Variants in NPHP4 observed in about 807,000 individuals in gnomAD.
NPHP4 encodes nephrocystin 4.
NPHP4 carries 151 observed loss-of-function variants against 155.8 expected under a neutral mutation model. The ratio of observed to expected loss-of-function variants is 0.97; its 90% CI spans 0.85 to 1.11. NPHP4 has a LOEUF of 1.11. Among genes scored for constraint, NPHP4 ranks in the 50% least tolerant of loss-of-function variants. The pLI, the probability that NPHP4 is intolerant of heterozygous loss-of-function variation, is 0.00. For synonymous variants in NPHP4, 845 were observed against 816.8 expected, an observed-to-expected ratio of 1.03 and a Z score of -0.59; for missense variants, 1,956 against 1,925.7, an observed-to-expected ratio of 1.02 and a Z score of -0.29.
chr1:5,977,794 T>A (rs539621416), intron 3 of NPHP4, among the ~76,000 whole-genome samples: 1 of 117,064 alleles, frequency 8.5e-6, no homozygotes, highest in South Asian at 2.9e-4. Flanking sequence ...TGATACCTGC[T>A]ACCTGGGCAA....
In NPHP4 at chr1:5,871,835, C is replaced by A. The variant is rs140663533; in HGVS notation, c.3315+1417G>T. 1.9e-3 allele frequency among the ~76,000 whole-genome samples: 289 copies of A among 152,242 alleles called. 2 individuals carry two copies. The highest frequency in any genetic ancestry group is 6.4e-3 in the African/African-American group (265 of 41,530). Reference sequence around the variant, plus strand: ...TGGTTACAGCCCCAGCAGACGATGCCGAGGTCTGCGTTGACTGGGGGCAGC... The same window carrying A: ...TGGTTACAGCCCCAGCAGACGATGCAGAGGTCTGCGTTGACTGGGGGCAGC... On this transcript the variant is annotated intron_variant, in intron 23 of 29. Coordinates refer to ENST00000378156, the MANE Select transcript of NPHP4 (RefSeq NM_015102.5).
At chr1:5,921,624 T>C (rs1319250326) in intron 11 of NPHP4, among the ~76,000 whole-genome samples, 1 of 152,252 alleles carries the variant, frequency 6.6e-6, no homozygotes, top group East Asian at 1.9e-4. Flanking sequence ...TGGTTTCTTC[T>C]CTATAAATTC....
At chr1:5,983,458 G>A (rs1305747730) in intron 2 of NPHP4, among the ~76,000 whole-genome samples, 6 of 152,186 alleles carry the variant, frequency 3.9e-5, no homozygotes, top group Admixed American at 1.3e-4. Context: ...TTTTGGACAT[G>A]CTACACAACA....
chr1:5,907,179 T>G lies in NPHP4; in HGVS notation c.1547A>C (p.Gln516Pro). ...QLAASPRSPT[Q>P]HCLARPTSQL... Reference sequence around the variant, plus strand: ...TGAAGTAGGCCTGGCCAAGCAGTGCTGAGTCGGGGACCGCGGGGAGGCCGC... The same window carrying G: ...TGAAGTAGGCCTGGCCAAGCAGTGCGGAGTCGGGGACCGCGGGGAGGCCGC... The change falls in exon 13 of 30, where the codon CAG becomes CCG. Residue 516 changes from glutamine to proline, a missense_variant. Gln to Pro is a moderately conservative substitution (Grantham distance 76). Coordinates refer to ENST00000378156, the MANE Select transcript of NPHP4 (RefSeq NM_015102.5). 1 of 1,592,026 alleles carries G rather than the reference T, an allele frequency of 6.3e-7. No homozygotes were observed. Among genetic ancestry groups the G allele is most frequent in the Non-Finnish European group, 8.6e-7 (1 of 1,168,978 alleles).
intron 4 of NPHP4, among the ~76,000 whole-genome samples, chr1:5,967,762 G>A (rs988100575): frequency 1.3e-5 from 2 of 151,742 alleles, no homozygotes; most frequent in South Asian, 2.1e-4. Context: ...ATTTTTTTTC[G>A]TTTGTCACAA....
chr1:5,972,373 G>A (rs1161395804), intron 3 of NPHP4, among the ~76,000 whole-genome samples: 1 of 151,996 alleles, frequency 6.6e-6, no homozygotes. Context: ...GATTTCCACA[G>A]CAAAGCATCA....
intron 6 of NPHP4, among the ~76,000 whole-genome samples, chr1:5,960,637 C>G (rs546881905): frequency 2.8e-4 from 42 of 152,206 alleles, no homozygotes; most frequent in African/African-American, 1.0e-3. Flanking sequence ...CATCACATGA[C>G]AGGTAGAAGG....
In NPHP4 at chr1:5,875,062, T is replaced by TA; in HGVS notation, c.2855dup (p.Gln953ThrfsTer40). ...GTTCCCGGTAGGCGGCGATGACCTG[T>TA]AGGTCCCGCAAGTGCTGTGTGCGGA... is the stretch of plus-strand genomic sequence containing the variant. On this transcript the variant is annotated frameshift_variant, in exon 21 of 30. Coordinates refer to ENST00000378156, the MANE Select transcript of NPHP4 (RefSeq NM_015102.5). LOFTEE classifies it high-confidence loss of function. The TA allele has an allele frequency of 6.2e-7, 1 of 1,607,500 alleles. No homozygotes were observed. The highest frequency in any genetic ancestry group is 8.5e-7 in the Non-Finnish European group (1 of 1,179,746).
chr1:5,916,802 G>A (rs1357291830), intron 11 of NPHP4, among the ~76,000 whole-genome samples: 1 of 152,222 alleles, frequency 6.6e-6, no homozygotes, highest in African/African-American at 2.4e-5. Flanking sequence ...GAGGTCAGGA[G>A]TTCAAGAGCA....
At chr1:5,985,447 C>T (rs1334449687) in intron 2 of NPHP4, among the ~76,000 whole-genome samples, 1 of 152,214 alleles carries the variant, frequency 6.6e-6, no homozygotes, top group Non-Finnish European at 1.5e-5. Context: ...TGCCCAAGGC[C>T]GTGGTACATC....
chr1:5,864,964 T>C, intron 27 of NPHP4, 138 bp downstream of exon 27: 3 of 802,016 alleles, frequency 3.7e-6, no homozygotes, highest in Non-Finnish European at 6.1e-6. Context: ...GAGAGGCCTC[T>C]GGTAACAGCG....
At chr1:5,988,435 T>C (rs1443151487) in intron 1 of NPHP4, among the ~76,000 whole-genome samples, 1 of 152,222 alleles carries the variant, frequency 6.6e-6, no homozygotes. Context: ...ATCCCACTCT[T>C]CTAAATTTTT....
chr1:5,986,789 C>G (rs1480793632), intron 1 of NPHP4, among the ~76,000 whole-genome samples: 2 of 152,162 alleles, frequency 1.3e-5, no homozygotes, highest in African/African-American at 2.4e-5. Context: ...GGGCACGACT[C>G]TCCTGACCTC....
Position 5,889,079 on chromosome 1 carries a change from G to A in NPHP4, c.2305-1613C>T, listed in dbSNP as rs569603490. On this transcript the variant is annotated intron_variant, in intron 17 of 29. Transcript: ENST00000378156. The surrounding 1 kb of genome is among the most constrained non-coding windows in gnomAD (Gnocchi z 4.2). Reference sequence around the variant, plus strand: ...ACTGAAGGCAGCACAGGAGCCGTCCGTCCCTAGAGGAAACTCTTCTCATCG... The same window carrying A: ...ACTGAAGGCAGCACAGGAGCCGTCCATCCCTAGAGGAAACTCTTCTCATCG... Among the ~76,000 whole-genome samples, 16 of 152,298 alleles carry A rather than the reference G, an allele frequency of 1.1e-4. No homozygotes were observed. The highest frequency in any genetic ancestry group is 5.8e-4 in the East Asian group (3 of 5,188).
chr1:5,990,095 G>A (rs943026667), intron 1 of NPHP4, among the ~76,000 whole-genome samples: 2 of 152,076 alleles, frequency 1.3e-5, no homozygotes, highest in South Asian at 2.1e-4. Flanking sequence ...AAACCTCTCC[G>A]GGTGCCCTTC....
chr1:5,953,503 T>C (rs926167250), intron 6 of NPHP4, among the ~76,000 whole-genome samples: 3 of 152,132 alleles, frequency 2.0e-5, no homozygotes, highest in African/African-American at 7.2e-5. Context: ...ATGGCTTCCT[T>C]CCTCTCTCCA....
At chr1:5,984,738 T>C (rs922831028) in intron 2 of NPHP4, among the ~76,000 whole-genome samples, 2 of 152,214 alleles carry the variant, frequency 1.3e-5, no homozygotes, top group Non-Finnish European at 2.9e-5. Flanking sequence ...CTTGTCAACT[T>C]TGAACTACGT....
At position 5,889,772 on chromosome 1, in the gene NPHP4, T is replaced by G. The variant is rs1292926342; in HGVS notation, c.2304+1096A>C. 6.6e-6 allele frequency among the ~76,000 whole-genome samples: 1 copy of G among 152,168 alleles called. No homozygotes were observed. Among genetic ancestry groups the G allele is most frequent in the Non-Finnish European group, 1.5e-5 (1 of 68,016 alleles). On this transcript the variant is annotated intron_variant, in intron 17 of 29. Coordinates refer to ENST00000378156, the MANE Select transcript of NPHP4 (RefSeq NM_015102.5). This position sits in a 1 kb window ranked among gnomAD's most constrained non-coding sequence, Gnocchi z 4.2. ...CGATGACCCTGTGGGGCCCTTGCCA[T>G]GACCCCAACAGGAACAGAGGCCCAG... is the stretch of plus-strand genomic sequence containing the variant.
intron 2 of NPHP4, among the ~76,000 whole-genome samples, chr1:5,985,154 A>G (rs1298091923): frequency 6.6e-6 from 1 of 152,228 alleles, no homozygotes; most frequent in Non-Finnish European, 1.5e-5. Flanking sequence ...ATAATAGTAA[A>G]TTAGTCACAG....
Sources: gnomAD v4.1 joint callset for allele counts (sites outside exome capture counted in the v4.1 genomes callset) on GRCh38, gnomAD v4.1.1 for gene constraint, Gnocchi (gnomAD v3.1) non-coding constraint, MANE v1.5 for transcripts, NCBI Gene and HGNC (gene_info 2026-07-23, HGNC 2026-07-21) for gene names.